The following MS4A6A variants were observed in gnomAD, a reference collection of about 807,000 sequenced individuals.
MS4A6A encodes membrane spanning 4-domains A6A.
A neutral mutation model predicts 20.6 loss-of-function variants in MS4A6A; 19 were observed. The ratio of observed to expected loss-of-function variants is 0.92; its 90% confidence interval spans 0.64 to 1.36. MS4A6A has a LOEUF of 1.36. Ranked by LOEUF, MS4A6A falls within the 40% of genes most tolerant of loss-of-function variation. The probability of loss-of-function intolerance (pLI) is 0.00; values close to 1 mark genes in which losing one functional copy is unlikely to be tolerated. For missense variants in MS4A6A, 272 were observed against 261.1 expected (o/e 1.04, Z -0.29); for synonymous variants, 108 against 105.0 (o/e 1.03, Z -0.17).
downstream of MS4A6A, chr11:60,172,068 A>G (rs2134750579): frequency 1.6e-6 from 2 of 1,269,260 alleles, no homozygotes; most frequent in Non-Finnish European, 2.2e-6. Context: ...GCTTACATTT[A>G]GGAAACTCAA....
In MS4A6A at chr11:60,181,784, C is replaced by T. The variant is rs186951935; in HGVS notation, c.-14-43G>A. On this transcript the variant is annotated intron_variant, in intron 1 of 5. Transcript: ENST00000528851. The stretch of plus-strand genomic sequence containing the variant: ...GATTTAGCTCTTAAAAAGTACAGAG[C>T]TCCCAGGTTCTGACTCCAAAAACAG... The T allele has an allele frequency of 2.3e-3, 3,595 of 1,594,140 alleles. 6 individuals are homozygous for T. Among genetic ancestry groups the T allele is most frequent in the Non-Finnish European group, 2.8e-3 (3,223 of 1,164,804 alleles).
chr11:60,183,201 A>G, upstream of MS4A6A: 1 of 1,535,426 alleles, frequency 6.5e-7, no homozygotes, highest in East Asian at 2.4e-5. Context: ...CTTCAGTAAA[A>G]CCATGAAAAG....
chr11:60,179,965 T>C lies in MS4A6A; in HGVS notation c.148A>G (p.Thr50Ala). The change falls in exon 3 of 6, where the codon ACT becomes GCT. Residue 50 changes from threonine to alanine, a missense_variant and splice_region_variant. Physicochemically the swap from Thr to Ala is moderately conservative, Grantham distance 58. Transcript: ENST00000528851. Reference sequence around the variant, plus strand: ...ATCATGCCACACAAGATCTGGATAGTCTGTGGGAAGAGAAAGTGAGATTGA... The same window carrying C: ...ATCATGCCACACAAGATCTGGATAGCCTGTGGGAAGAGAAAGTGAGATTGA... ...HLHAEIKVIG[T>A]IQILCGMMVL... The C allele has an allele frequency of 6.2e-7, 1 of 1,612,384 alleles. No homozygotes were observed. The highest frequency in any genetic ancestry group is 8.5e-7 in the Non-Finnish European group (1 of 1,179,204).
Position 60,183,081 on chromosome 11 carries a change from G to T in MS4A6A, c.-118C>A. ...TTCTACTTACCTTCATCTTCTGAAA[G>T]TCATCAGCCCTTCCTTATTCCAGTG... On this transcript the variant is annotated 5_prime_UTR_variant, in exon 1 of 6. Transcript: ENST00000528851. The T allele has an allele frequency of 6.6e-7, 1 of 1,507,264 alleles. No homozygotes were observed. Among genetic ancestry groups the T allele is most frequent in the Non-Finnish European group, 8.8e-7 (1 of 1,135,390 alleles). The allele number at this position is 1,507,264 out of a possible 1,614,324, so 93.4% of individuals were successfully genotyped here.
Position 60,178,335 on chromosome 11 carries a change from T to A in MS4A6A, c.283-19A>T, listed in dbSNP as rs1030619806. 6.2e-6 allele frequency: 10 copies of A among 1,610,722 alleles called. No individual in the cohort carries two copies. Among genetic ancestry groups the A allele is most frequent in the Middle Eastern group, 1.6e-4 (1 of 6,076 alleles). On this transcript the variant is annotated intron_variant, in intron 3 of 5. Transcript: ENST00000528851. ...TGATAAACTAAGATAAAAGAGAAAATGGTCAGGTCAGATTCCATGTACAGA... is the reference window on the plus strand; with the variant it reads ...TGATAAACTAAGATAAAAGAGAAAAAGGTCAGGTCAGATTCCATGTACAGA...
At chr11:60,178,708 C>A in intron 3 of MS4A6A, 1 of 363,980 alleles carries the variant, frequency 2.7e-6, no homozygotes, top group East Asian at 9.0e-5. Flanking sequence ...AATACTACCC[C>A]AACCACATAA....
At chr11:60,180,256 T>G (rs747368980) in intron 2 of MS4A6A, 10 of 416,662 alleles carry the variant, frequency 2.4e-5, no homozygotes, top group Non-Finnish European at 3.8e-5. Flanking sequence ...TCACAGCAAG[T>G]GCTGAGATTT....
chr11:60,179,983 G>A lies in MS4A6A; in HGVS notation c.148-18C>T, dbSNP rs1341882491. 2 of 1,608,592 alleles carry A rather than the reference G, an allele frequency of 1.2e-6. No individual in the cohort carries two copies. Among genetic ancestry groups the A allele is most frequent in the Non-Finnish European group, 1.7e-6 (2 of 1,177,074 alleles). On this transcript the variant is annotated intron_variant, in intron 2 of 5. Transcript: ENST00000528851. ...TGGATAGTCTGTGGGAAGAGAAAGTGAGATTGAGGATGAAAACCAGCATTT... is the reference window on the plus strand; with the variant it reads ...TGGATAGTCTGTGGGAAGAGAAAGTAAGATTGAGGATGAAAACCAGCATTT...
chr11:60,182,271 T>C (rs896620158), intron 1 of MS4A6A: 6 of 152,898 alleles, frequency 3.9e-5, no homozygotes, highest in African/African-American at 1.4e-4. Flanking sequence ...ATGTAATAAA[T>C]AAGAAAATGC....
chr11:60,175,224 A>G (rs184923924), intron 5 of MS4A6A, among the ~76,000 whole-genome samples, 178 bp downstream of exon 5: 25 of 152,310 alleles, frequency 1.6e-4, no homozygotes, highest in Middle Eastern at 3.4e-3. Flanking sequence ...ATTCCACTCT[A>G]TTAGTATGTA....
downstream of MS4A6A, chr11:60,172,167 C>A (rs1452539704): frequency 3.7e-6 from 6 of 1,611,644 alleles, no homozygotes; most frequent in South Asian, 1.1e-5. Flanking sequence ...CTTAAGAAGT[C>A]AATAGTTCTT....
chr11:60,173,258 A>T (rs1290265111), intron 5 of MS4A6A, 129 bp from the exon 6 acceptor site: 2 of 768,402 alleles, frequency 2.6e-6, no homozygotes, highest in Admixed American at 2.2e-5. Context: ...ACCATCAGGA[A>T]GATAAAACTG....
intron 2 of MS4A6A, 38 bp downstream of exon 2, chr11:60,181,543 C>T: frequency 6.2e-7 from 1 of 1,611,454 alleles, no homozygotes; most frequent in Non-Finnish European, 8.5e-7. Context: ...TTGGCACTTC[C>T]CCCAACCCCT....
intron 4 of MS4A6A, among the ~76,000 whole-genome samples, chr11:60,176,108 A>C (rs764944470): frequency 6.6e-6 from 1 of 152,236 alleles, no homozygotes; most frequent in Non-Finnish European, 1.5e-5. Flanking sequence ...CCAACCTAAT[A>C]GCTCACTCTC....
chr11:60,172,264 C>T (rs1856616751), downstream of MS4A6A: 1 of 1,609,048 alleles, frequency 6.2e-7, no homozygotes, highest in South Asian at 1.1e-5. Flanking sequence ...CTAGAAGAAA[C>T]AAAATATGTT....
At chr11:60,183,251 C>T (rs1309403891), upstream of MS4A6A, 1 of 1,418,794 alleles carries the variant, frequency 7.0e-7, no homozygotes. Flanking sequence ...GTCATGGAGC[C>T]TTATGTGTGA....
chr11:60,182,392 C>T (rs1311545295), intron 1 of MS4A6A: 1 of 152,310 alleles, frequency 6.6e-6, no homozygotes, highest in Non-Finnish European at 1.5e-5. Flanking sequence ...CACCCTGGTT[C>T]ACACAGCCGG....
Position 60,178,247 on chromosome 11 carries a change from C to T in MS4A6A, c.339+13G>A, listed in dbSNP as rs1372180749. On this transcript the variant is annotated intron_variant, in intron 4 of 5. Transcript: ENST00000528851. ...TGATCCATTGGGTTGTGGGTTATAGCTCTCTTACTCACCAAAAGCTTGGTT... is the reference window on the plus strand; with the variant it reads ...TGATCCATTGGGTTGTGGGTTATAGTTCTCTTACTCACCAAAAGCTTGGTT... 1.2e-6 allele frequency: 2 copies of T among 1,607,694 alleles called. No homozygotes were observed. Among genetic ancestry groups the T allele is most frequent in the South Asian group, 1.1e-5 (1 of 90,876 alleles).
upstream of MS4A6A, chr11:60,183,281 C>A (rs2083835864): frequency 7.3e-6 from 8 of 1,097,036 alleles, no homozygotes; most frequent in Admixed American, 2.2e-5. Flanking sequence ...TCGAGACATA[C>A]AAGTTTCCTG....
Sources: gnomAD v4.1 joint callset for allele counts (sites outside exome capture counted in the v4.1 genomes callset) on GRCh38, gnomAD v4.1.1 for gene constraint, MANE v1.5 for transcripts, NCBI Gene and HGNC (gene_info 2026-07-23, HGNC 2026-07-21) for gene names.